DRICH1: variants seen among roughly 807,000 people sequenced by gnomAD.
DRICH1 encodes aspartate-rich protein 1.
A neutral mutation model predicts 39.5 loss-of-function variants in DRICH1; 38 were observed. The observed-to-expected ratio is 0.96, with a 90% CI of 0.74 to 1.26. DRICH1 has a LOEUF of 1.26. Ranked by LOEUF, DRICH1 falls within the 50% of genes most tolerant of loss-of-function variation. DRICH1 has a pLI of 0.00. For missense variants in DRICH1, 279 were observed against 270.4 expected (o/e 1.03, Z -0.22); for synonymous variants, 84 against 99.5 (o/e 0.84, Z 0.93).
the DRICH1 span, among the ~76,000 whole-genome samples, chr22:23,589,799 G>A: frequency 6.6e-6 from 1 of 152,118 alleles, no homozygotes; most frequent in African/African-American, 2.4e-5. Context: ...TACCTGTTTG[G>A]TGGGATGACT....
the DRICH1 span, among the ~76,000 whole-genome samples, chr22:23,603,037 T>A: frequency 5.7e-4 from 82 of 144,058 alleles, 1 homozygote; most frequent in South Asian, 0.018. Flanking sequence ...AGACAGTCTC[T>A]CTCTGTCGCC....
intron 7 of DRICH1, 35 bp downstream of exon 7, chr22:23,617,540 A>G: frequency 6.2e-7 from 1 of 1,611,452 alleles, no homozygotes; most frequent in Non-Finnish European, 8.5e-7. Flanking sequence ...CAGAAAACCA[A>G]CATTTCCTTA....
chr22:23,614,042 T>C, intron 9 of DRICH1, 93 bp downstream of exon 9: 5 of 852,082 alleles, frequency 5.9e-6, no homozygotes, highest in Non-Finnish European at 9.9e-6. Context: ...GTACATAATG[T>C]GCATTGCCAG....
intron 1 of DRICH1, among the ~76,000 whole-genome samples, chr22:23,628,682 T>C (rs937089636): frequency 5.9e-5 from 9 of 152,170 alleles, no homozygotes; most frequent in Non-Finnish European, 8.8e-5. Flanking sequence ...GAAAAAGTCA[T>C]CTGTCCCAGC....
chr22:23,619,299 A>G (rs958723473), intron 6 of DRICH1, 65 bp downstream of exon 6: 6 of 772,832 alleles, frequency 7.8e-6, no homozygotes, highest in Non-Finnish European at 1.5e-5. Flanking sequence ...GGCTTCCCAT[A>G]TTCATGGATA....
chr22:23,586,733 A>G, the DRICH1 span, among the ~76,000 whole-genome samples: 1 of 152,034 alleles, frequency 6.6e-6, no homozygotes, highest in Admixed American at 6.6e-5. Context: ...TAGTAGAGAC[A>G]AGGGTTTCAC....
chr22:23,621,430 A>G lies in DRICH1; in HGVS notation c.384+661T>C, dbSNP rs187231018. Among the ~76,000 whole-genome samples the G allele has an allele frequency of 6.6e-5, 10 of 152,086 alleles. 1 individual carries two copies. Among genetic ancestry groups the G allele is most frequent in the African/African-American group, 2.4e-4 (10 of 41,512 alleles). On this transcript the variant is annotated intron_variant, in intron 4 of 11. Transcript: ENST00000317749. ...GCAGTAAGACAACCATAAAAAAAAAAATACCTAAAGCCCCTCCCCAACAAT... is the reference window on the plus strand; with the variant it reads ...GCAGTAAGACAACCATAAAAAAAAAGATACCTAAAGCCCCTCCCCAACAAT...
intron 1 of DRICH1, among the ~76,000 whole-genome samples, chr22:23,631,276 G>A (rs1333613746): frequency 3.3e-5 from 5 of 151,852 alleles, no homozygotes; most frequent in African/African-American, 4.8e-5. Context: ...AAAATTAGCC[G>A]GGCGTGGTAG....
At chr22:23,611,186 G>A (rs952543157) in intron 11 of DRICH1, among the ~76,000 whole-genome samples, 2 of 152,062 alleles carry the variant, frequency 1.3e-5, no homozygotes, top group Non-Finnish European at 2.9e-5. Flanking sequence ...GGTGTAGCAC[G>A]TTAGTTTATA....
intron 7 of DRICH1, 21 bp from the exon 8 acceptor site, chr22:23,616,895 ATGCTG>A: frequency 1.9e-6 from 3 of 1,613,804 alleles, no homozygotes; most frequent in Non-Finnish European, 2.5e-6. Context: ...ATAAAAGAAG[ATGCTG>A]TAAGGATCAG....
rs1056571911 is a variant in DRICH1 at position 23,625,856 on chromosome 22, A to G, written c.276+125T>C. 9.4e-6 allele frequency: 7 copies of G among 747,228 alleles called. No homozygotes were observed. The African/African-American group carries it at 1.2e-4, about 13-fold the overall frequency. 46.3% of individuals were successfully genotyped at this position (747,228 alleles called of 1,614,324 possible). The stretch of plus-strand genomic sequence containing the variant: ...TGCACCCAGATCTTGCAAGACCATC[A>G]TTAAAAGTCTTACTTTTGCTGTTCT... On this transcript the variant is annotated intron_variant, in intron 2 of 11. Transcript: ENST00000317749.
the DRICH1 span, among the ~76,000 whole-genome samples, chr22:23,589,089 G>GACACAC: frequency 0.01 from 1,490 of 143,896 alleles, 11 homozygotes; most frequent in African/African-American, 0.014. Context: ...TCTCCCAGCT[G>GACACAC]ACACACACAC....
chr22:23,592,391 C>CT, the DRICH1 span, among the ~76,000 whole-genome samples: 22 of 95,802 alleles, frequency 2.3e-4, no homozygotes, highest in Admixed American at 1.4e-3. Context: ...AGGAGCAAGA[C>CT]TGGGGGGGGG....
intron 2 of DRICH1, 121 bp downstream of exon 2, chr22:23,625,858 TAA>T (rs896134255): frequency 4.0e-6 from 3 of 758,544 alleles, no homozygotes; most frequent in African/African-American, 3.5e-5. Context: ...AGACCATCAT[TAA>T]AAGTCTTACT....
the DRICH1 span, among the ~76,000 whole-genome samples, chr22:23,596,276 C>T: frequency 6.6e-6 from 1 of 152,128 alleles, no homozygotes; most frequent in South Asian, 2.1e-4. Flanking sequence ...TCCTCTTCCC[C>T]TTCCCCTTTT....
the DRICH1 span, among the ~76,000 whole-genome samples, chr22:23,603,006 CT>C: frequency 0.074 from 9,619 of 129,910 alleles, 242 homozygotes; most frequent in Non-Finnish European, 0.11. Flanking sequence ...AACACATTTA[CT>C]TTTTTTTTTT....
Position 23,608,522 on chromosome 22 carries a change from T to C in DRICH1, c.*242A>G, listed in dbSNP as rs771276675. ...GCTCGTGGAGCACAGTCACGTCTCT[T>C]CTCACTCTCTTGCCAAAGGAGAAAT... On this transcript the variant is annotated 3_prime_UTR_variant, in exon 12 of 12. Coordinates refer to ENST00000317749, the MANE Select transcript of DRICH1 (RefSeq NM_016449.4). 38 of 536,616 alleles carry C rather than the reference T, an allele frequency of 7.1e-5. No individual in the cohort carries two copies. Among genetic ancestry groups the C allele is most frequent in the Admixed American group, 2.4e-4 (8 of 33,332 alleles). The allele number at this position is 536,616 out of a possible 1,614,324, so 33.2% of individuals were successfully genotyped here. A position where few individuals can be genotyped will look rare whatever the true frequency, so the allele number is the denominator to read the frequency against.
At chr22:23,607,875 G>T (rs536399327), downstream of DRICH1, among the ~76,000 whole-genome samples, 13 of 152,318 alleles carry the variant, frequency 8.5e-5, no homozygotes, top group Non-Finnish European at 1.6e-4. Flanking sequence ...ACAAGGCTTT[G>T]CTCTGTTTGC....
At chr22:23,609,024 G>A (rs1385699731) in intron 11 of DRICH1, among the ~76,000 whole-genome samples, 1 of 152,154 alleles carries the variant, frequency 6.6e-6, no homozygotes, top group Non-Finnish European at 1.5e-5. Context: ...CATTCTCCAA[G>A]GCCCATTTAC....
Sources: allele counts gnomAD v4.1 joint callset (sites outside exome capture counted in the v4.1 genomes callset), GRCh38; gene constraint gnomAD v4.1.1; transcripts MANE v1.5; gene names NCBI Gene and HGNC (gene_info 2026-07-23, HGNC 2026-07-21).